TTC5: variants seen among roughly 807,000 people sequenced by gnomAD.
The protein encoded by TTC5 is tetratricopeptide repeat domain 5.
TTC5 carries 46 observed loss-of-function variants against 57.4 expected under a neutral mutation model. The ratio of observed to expected loss-of-function variants is 0.80; its 90% CI spans 0.63 to 1.03. The LOEUF (loss-of-function observed/expected upper bound fraction) is 1.03, where lower values mean the gene tolerates loss of function less well. Ranked by LOEUF, TTC5 falls within the 50% of genes least tolerant of loss-of-function variation. The pLI is 0.00. For missense variants in TTC5, 504 were observed against 528.1 expected, an observed-to-expected ratio of 0.95 and a Z score of 0.45; for synonymous variants, 190 against 203.5, an observed-to-expected ratio of 0.93 and a Z score of 0.57.
At chr14:20,297,642 A>G (rs1459794546) in intron 5 of TTC5, among the ~76,000 whole-genome samples, 1 of 152,108 alleles carries the variant, frequency 6.6e-6, no homozygotes, top group African/African-American at 2.4e-5. Flanking sequence ...ATGGTGTGGC[A>G]CGTGCCTGTA....
intron 1 of TTC5, among the ~76,000 whole-genome samples, chr14:20,304,331 T>C (rs923533317): frequency 6.6e-6 from 1 of 152,220 alleles, no homozygotes; most frequent in African/African-American, 2.4e-5. Context: ...AATTTTATTG[T>C]ATTATATCCA....
chr14:20,290,395 C>T (rs1387395660), intron 9 of TTC5, among the ~76,000 whole-genome samples: 1 of 152,118 alleles, frequency 6.6e-6, no homozygotes, highest in Non-Finnish European at 1.5e-5. Flanking sequence ...TTTAAAAGTT[C>T]TCATAAACCA....
chr14:20,297,528 T>C (rs1233307188), intron 5 of TTC5, among the ~76,000 whole-genome samples: 2 of 152,114 alleles, frequency 1.3e-5, no homozygotes, highest in Admixed American at 1.3e-4. Flanking sequence ...CCCAACACTT[T>C]GGGAGACCGA....
chr14:20,303,968 A>G (rs1882241013), intron 1 of TTC5, among the ~76,000 whole-genome samples: 1 of 152,216 alleles, frequency 6.6e-6, no homozygotes, highest in South Asian at 2.1e-4. Flanking sequence ...TATCAATTCC[A>G]GAAAGGTTTT....
At chr14:20,301,797 GA>G (rs1882197594) in intron 2 of TTC5, 35 bp downstream of exon 2, 4 of 1,611,878 alleles carry the variant, frequency 2.5e-6, no homozygotes, top group Non-Finnish European at 3.4e-6. Flanking sequence ...ACATTTCACT[GA>G]AGGATGGGGG....
chr14:20,298,925 C>A (rs761756405), intron 4 of TTC5, 37 bp from the exon 5 acceptor site: 2 of 1,469,804 alleles, frequency 1.4e-6, no homozygotes, highest in Admixed American at 1.7e-5. Context: ...ATCTCAGAGT[C>A]CAAGTTCAAG....
Position 20,289,128 on chromosome 14 carries a change from G to C in TTC5, c.*499C>G, listed in dbSNP as rs1204052133. On this transcript the variant is annotated 3_prime_UTR_variant, in exon 10 of 10. Coordinates refer to ENST00000258821, the MANE Select transcript of TTC5 (RefSeq NM_138376.3). ...AGAATAAAGCAGGCCAAACTACGTG[G>C]TGTTTTTTTTTTTTTCCAAACAAAT... The C allele has an allele frequency of 1.5e-5, 1 of 68,904 alleles. No individual in the cohort carries two copies. Among genetic ancestry groups the C allele is most frequent in the African/African-American group, 4.2e-5 (1 of 24,028 alleles). 4.3% of individuals were successfully genotyped at this position (68,904 alleles called of 1,614,324 possible).
intron 9 of TTC5, 101 bp from the exon 10 acceptor site, chr14:20,289,847 G>A: frequency 8.0e-7 from 1 of 1,246,746 alleles, no homozygotes; most frequent in Non-Finnish European, 1.1e-6. Context: ...CACCTCCCCT[G>A]TTGTATACCC....
At chr14:20,296,553 C>G (rs1882068442) in intron 5 of TTC5, 107 bp from the exon 6 acceptor site, 1 of 924,326 alleles carries the variant, frequency 1.1e-6, no homozygotes, top group South Asian at 1.4e-5. Flanking sequence ...AAGTTTCTTC[C>G]TTGCCAAAAT....
At chr14:20,304,658 A>G (rs1266761516) in intron 1 of TTC5, among the ~76,000 whole-genome samples, 2 of 152,196 alleles carry the variant, frequency 1.3e-5, no homozygotes, top group African/African-American at 4.8e-5. Context: ...TTTACCACAA[A>G]TGAACCTAGG....
chr14:20,304,883 A>T (rs548469127), intron 1 of TTC5, among the ~76,000 whole-genome samples: 62 of 152,332 alleles, frequency 4.1e-4, no homozygotes, highest in African/African-American at 1.4e-3. Flanking sequence ...CAATACATGT[A>T]AGTTGTTAAA....
chr14:20,305,846 G>C (rs1382270552), intron 1 of TTC5, 41 bp downstream of exon 1: 3 of 1,596,342 alleles, frequency 1.9e-6, no homozygotes, highest in African/African-American at 2.7e-5. Context: ...GCTTCATTCG[G>C]AGTAACAAAA....
intron 8 of TTC5, chr14:20,295,084 C>G: frequency 1.8e-6 from 1 of 547,828 alleles, no homozygotes; most frequent in East Asian, 3.1e-5. Context: ...CCACATAGCA[C>G]CAAACTCAGG....
At position 20,298,950 on chromosome 14, in the gene TTC5, G is replaced by T. The variant is rs146255440; in HGVS notation, c.548-62C>A. On this transcript the variant is annotated intron_variant, in intron 4 of 9. Coordinates refer to ENST00000258821, the MANE Select transcript of TTC5 (RefSeq NM_138376.3). ...CCAAGTTCAAGATATGACTTATTTTGATCATTCTTGAAAGTATATTTGAAA... is the reference window on the plus strand; with the variant it reads ...CCAAGTTCAAGATATGACTTATTTTTATCATTCTTGAAAGTATATTTGAAA... 3.1e-6 allele frequency: 4 copies of T among 1,278,688 alleles called. No individual in the cohort carries two copies. The African/African-American group carries it at 5.9e-5, about 19-fold the overall frequency. 79.2% of individuals were successfully genotyped at this position (1,278,688 alleles called of 1,614,324 possible). A position where few individuals can be genotyped will look rare whatever the true frequency, so the allele number is the denominator to read the frequency against.
At chr14:20,298,591 G>A (rs1272556440) in intron 5 of TTC5, among the ~76,000 whole-genome samples, 3 of 146,354 alleles carry the variant, frequency 2.0e-5, no homozygotes, top group African/African-American at 7.3e-5. Flanking sequence ...CAGCACCAAT[G>A]CGACACGATG....
At chr14:20,290,099 A>G (rs1425194381) in intron 9 of TTC5, among the ~76,000 whole-genome samples, 4 of 152,290 alleles carry the variant, frequency 2.6e-5, no homozygotes, top group Non-Finnish European at 5.9e-5. Context: ...AACTAGATAC[A>G]CATAGCAGCC....
In TTC5 at chr14:20,289,818, C is replaced by G; in HGVS notation, c.1204-72G>C. On this transcript the variant is annotated intron_variant, in intron 9 of 9. Transcript: ENST00000258821. ...AAAAAGCTCCAGCATGGGGATACAC[C>G]ACTTGCAACTTTCTGCACCACCTCC... The G allele has an allele frequency of 2.0e-6, 3 of 1,482,370 alleles. 1 individual carries two copies. The South Asian group carries it at 4.0e-5, about 20-fold the overall frequency. The allele number at this position is 1,482,370 out of a possible 1,614,324, so 91.8% of individuals were successfully genotyped here.
intron 4 of TTC5, 57 bp from the exon 5 acceptor site, chr14:20,298,945 A>C: frequency 7.7e-7 from 1 of 1,304,080 alleles, no homozygotes; most frequent in Non-Finnish European, 1.1e-6. Flanking sequence ...GATATGACTT[A>C]TTTTGATCAT....
At position 20,298,848 on chromosome 14, in the gene TTC5, A is replaced by C. The variant is rs750955913; in HGVS notation, c.588T>G (p.Thr196=). 5.9e-5 allele frequency: 96 copies of C among 1,613,944 alleles called. No homozygotes were observed. The highest frequency in any genetic ancestry group is 7.8e-5 in the Non-Finnish European group (92 of 1,179,912). The change falls in exon 5 of 10, where the codon ACT becomes ACG. Residue 196 remains threonine (T), a synonymous_variant. Transcript: ENST00000258821. ...GCTGGGAGATCTTAGGGTTCTGGCC[A>C]GTAGAGAAGTAAAGGGAAAGATATG... ...GNSYLSLYFS[T]GQNPKISQQA...
Sources: gnomAD v4.1 joint callset for allele counts (sites outside exome capture counted in the v4.1 genomes callset) on GRCh38, gnomAD v4.1.1 for gene constraint, MANE v1.5 for transcripts, NCBI Gene and HGNC (gene_info 2026-07-23, HGNC 2026-07-21) for gene names.